LINGO2: variants seen among roughly 807,000 people sequenced by gnomAD.
The protein encoded by LINGO2 is leucine-rich repeat and immunoglobulin-like domain-containing nogo receptor-interacting protein 2.
A neutral mutation model predicts 30.6 loss-of-function variants in LINGO2; 14 were observed. That is an observed-to-expected ratio of 0.46 (90% CI 0.30 to 0.72). LINGO2 has a LOEUF of 0.72. Among genes scored for constraint, LINGO2 ranks in the 30% least tolerant of loss-of-function variants. The probability of loss-of-function intolerance (pLI) is 0.07; values close to 1 mark genes in which losing one functional copy is unlikely to be tolerated. For missense variants in LINGO2, 729 were observed against 751.7 expected (o/e 0.97, Z 0.35); for synonymous variants, 317 against 288.5 (o/e 1.10, Z -1.00).
the LINGO2 span, among the ~76,000 whole-genome samples, chr9:29,158,454 A>G: frequency 2.6e-5 from 4 of 152,210 alleles, no homozygotes; most frequent in South Asian, 8.3e-4. Context: ...AAGCAACTGA[A>G]AAAGATTTTG....
intron 4 of LINGO2, among the ~76,000 whole-genome samples, chr9:28,167,091 C>G (rs554356463): frequency 6.6e-6 from 1 of 151,874 alleles, no homozygotes; most frequent in East Asian, 2.0e-4. Context: ...GAGGAAGAGC[C>G]TCAAGGGAAT....
At chr9:28,322,521 A>G (rs1218592022) in intron 3 of LINGO2, among the ~76,000 whole-genome samples, 2 of 152,000 alleles carry the variant, frequency 1.3e-5, no homozygotes, top group African/African-American at 2.4e-5. Flanking sequence ...AACATAATAG[A>G]TTTTATTTTA....
the LINGO2 span, among the ~76,000 whole-genome samples, chr9:29,166,250 T>A: frequency 6.6e-6 from 1 of 152,130 alleles, no homozygotes; most frequent in South Asian, 2.1e-4. Flanking sequence ...TTCCATTTTT[T>A]AAAGGTGGAT....
At chr9:29,188,197 A>C in the LINGO2 span, among the ~76,000 whole-genome samples, 21 of 151,606 alleles carry the variant, frequency 1.4e-4, no homozygotes, top group African/African-American at 5.1e-4. Context: ...CTGGGTACTT[A>C]AGAGTAGGGA....
At chr9:28,863,785 A>T in the LINGO2 span, 2 of 380,316 alleles carry the variant, frequency 5.3e-6, no homozygotes, top group South Asian at 4.0e-5. Context: ...AAGTATTTCC[A>T]TCTAGTTCAC....
the LINGO2 span, among the ~76,000 whole-genome samples, chr9:28,784,416 G>A: frequency 6.6e-6 from 1 of 152,182 alleles, no homozygotes; most frequent in Admixed American, 6.5e-5. Context: ...CAGTTCAGCT[G>A]CTTACTAGCT....
At chr9:28,790,897 A>G in the LINGO2 span, among the ~76,000 whole-genome samples, 2 of 152,166 alleles carry the variant, frequency 1.3e-5, no homozygotes, top group Admixed American at 6.5e-5. Context: ...TGTAAATTGG[A>G]ATATATCCCT....
At chr9:29,151,154 C>A in the LINGO2 span, among the ~76,000 whole-genome samples, 3 of 151,750 alleles carry the variant, frequency 2.0e-5, no homozygotes, top group African/African-American at 7.3e-5. Flanking sequence ...AATTTCATAT[C>A]ATGCCAAACT....
chr9:28,020,834 A>G (rs944952567), intron 4 of LINGO2, among the ~76,000 whole-genome samples: 2 of 152,164 alleles, frequency 1.3e-5, no homozygotes, highest in Non-Finnish European at 2.9e-5. Context: ...AGTTGCTTGT[A>G]GCATTTCTTT....
the LINGO2 span, among the ~76,000 whole-genome samples, chr9:28,985,951 G>A: frequency 3.9e-5 from 6 of 151,912 alleles, no homozygotes; most frequent in Non-Finnish European, 7.4e-5. Flanking sequence ...CCAATGTTGT[G>A]TTTCTCCTAT....
At chr9:28,926,853 C>G in the LINGO2 span, among the ~76,000 whole-genome samples, 3 of 152,220 alleles carry the variant, frequency 2.0e-5, no homozygotes, top group Admixed American at 1.3e-4. Context: ...TTTTCACTTA[C>G]ACTCCCTGCC....
chr9:28,047,280 T>TC (rs1276327049), intron 4 of LINGO2, among the ~76,000 whole-genome samples: 1 of 152,124 alleles, frequency 6.6e-6, no homozygotes. Flanking sequence ...GAGCTTGCCC[T>TC]CCTTTTATGG....
At chr9:27,998,858 C>A (rs772182664) in intron 5 of LINGO2, among the ~76,000 whole-genome samples, 4 of 152,056 alleles carry the variant, frequency 2.6e-5, no homozygotes, top group Non-Finnish European at 4.4e-5. Flanking sequence ...ACTGCCACAG[C>A]ATGAGAGAGA....
At chr9:29,119,681 G>A in the LINGO2 span, among the ~76,000 whole-genome samples, 1 of 147,016 alleles carries the variant, frequency 6.8e-6, no homozygotes, top group Non-Finnish European at 1.5e-5. Context: ...CACTTCCCGG[G>A]TTCAAGCAAT....
intron 2 of LINGO2, among the ~76,000 whole-genome samples, chr9:28,430,097 C>T (rs922409750): frequency 1.1e-4 from 5 of 47,154 alleles, no homozygotes; most frequent in Non-Finnish European, 1.5e-4. Context: ...CTGATTTCCA[C>T]GCGCGCGCGC....
chr9:28,986,285 T>C, the LINGO2 span, among the ~76,000 whole-genome samples: 5 of 152,072 alleles, frequency 3.3e-5, no homozygotes, highest in Admixed American at 3.3e-4. Flanking sequence ...TATAGCATTA[T>C]AATAGTTTAA....
the LINGO2 span, among the ~76,000 whole-genome samples, chr9:29,054,979 G>A: frequency 1.3e-5 from 2 of 152,104 alleles, no homozygotes; most frequent in Non-Finnish European, 2.9e-5. Flanking sequence ...AGCACTTAGG[G>A]AGGCCGAGGC....
At chr9:28,464,185 T>C (rs1825203205) in intron 2 of LINGO2, among the ~76,000 whole-genome samples, 1 of 152,210 alleles carries the variant, frequency 6.6e-6, no homozygotes. Flanking sequence ...TTAGCAAATG[T>C]ATTTTATACA....
intron 4 of LINGO2, among the ~76,000 whole-genome samples, chr9:28,079,682 A>T (rs1236341123): frequency 6.6e-6 from 1 of 152,210 alleles, no homozygotes; most frequent in South Asian, 2.1e-4. Flanking sequence ...AAGTTTCCTT[A>T]TAAGTCTATA....
Sources: allele counts gnomAD v4.1 joint callset (sites outside exome capture counted in the v4.1 genomes callset), GRCh38; gene constraint gnomAD v4.1.1; transcripts MANE v1.5; gene names NCBI Gene and HGNC (gene_info 2026-07-23, HGNC 2026-07-21).